Variants in KIAA1217 observed in about 807,000 individuals in gnomAD.
The protein encoded by KIAA1217 is KIAA1217.
Under a neutral mutation model 163.9 loss-of-function variants are expected in KIAA1217, and 88 were observed. The ratio of observed to expected loss-of-function variants is 0.54; its 90% CI spans 0.45 to 0.64. KIAA1217 has a LOEUF of 0.64. Ranked by LOEUF, KIAA1217 falls within the 30% of genes least tolerant of loss-of-function variation. KIAA1217 has a pLI of 0.00. For missense variants in KIAA1217, 2,372 were observed against 2,475.0 expected (o/e 0.96, Z 0.88); for synonymous variants, 903 against 923.1 (o/e 0.98, Z 0.39).
At chr10:24,020,253 G>A (rs919162885) in intron 2 of KIAA1217, among the ~76,000 whole-genome samples, 1 of 152,148 alleles carries the variant, frequency 6.6e-6, no homozygotes, top group Non-Finnish European at 1.5e-5. Context: ...CATGGTTGAT[G>A]CTGTAGTTTT....
At chr10:24,526,106 G>GTT (rs1592669263) in intron 13 of KIAA1217, among the ~76,000 whole-genome samples, 2 of 152,116 alleles carry the variant, frequency 1.3e-5, no homozygotes, top group East Asian at 3.9e-4. Context: ...TTCTTGCCTC[G>GTT]TAACTTTTCC....
At chr10:24,138,495 T>A (rs779485032) in intron 2 of KIAA1217, among the ~76,000 whole-genome samples, 2 of 152,198 alleles carry the variant, frequency 1.3e-5, no homozygotes, top group African/African-American at 4.8e-5. Context: ...ATGATTAGAC[T>A]TTTTTCATTA....
intron 2 of KIAA1217, among the ~76,000 whole-genome samples, chr10:24,263,019 C>A (rs74121636): frequency 2.0e-5 from 3 of 151,860 alleles, no homozygotes; most frequent in African/African-American, 4.8e-5. Flanking sequence ...AGTCCACTCA[C>A]GTATAAAAAT....
chr10:24,229,671 C>A (rs940782591), intron 2 of KIAA1217, among the ~76,000 whole-genome samples: 1 of 152,138 alleles, frequency 6.6e-6, no homozygotes, highest in African/African-American at 2.4e-5. Context: ...GTGCCCACCA[C>A]CATGCCTGGC....
At chr10:24,178,146 T>C (rs998085817) in intron 2 of KIAA1217, among the ~76,000 whole-genome samples, 2 of 152,210 alleles carry the variant, frequency 1.3e-5, no homozygotes, top group African/African-American at 4.8e-5. Context: ...TTTACCATTA[T>C]CTCTGACATT....
At chr10:24,484,241 A>ATATATATATATTTTTTTTTTTT (rs1376083298) in intron 6 of KIAA1217, among the ~76,000 whole-genome samples, 13 of 75,150 alleles carry the variant, frequency 1.7e-4, no homozygotes, top group Non-Finnish European at 2.2e-4. Flanking sequence ...ATATATATAT[A>ATATATATATATTTTTTTTTTTT]TTTTTTTTTT....
chr10:24,326,292 T>G (rs897152141), intron 2 of KIAA1217, among the ~76,000 whole-genome samples: 2 of 152,146 alleles, frequency 1.3e-5, no homozygotes, highest in African/African-American at 2.4e-5. Context: ...GATGTTGATA[T>G]TAACACCTTA....
At chr10:23,878,938 G>C (rs890099912) in intron 1 of KIAA1217, among the ~76,000 whole-genome samples, 1 of 151,884 alleles carries the variant, frequency 6.6e-6, no homozygotes, top group African/African-American at 2.4e-5. Flanking sequence ...TATTGGCATG[G>C]AGAAGACTGC....
intron 2 of KIAA1217, among the ~76,000 whole-genome samples, chr10:24,292,683 C>T (rs976771564): frequency 1.3e-5 from 2 of 152,118 alleles, no homozygotes; most frequent in African/African-American, 2.4e-5. Flanking sequence ...ACCCATTGCT[C>T]TGCTGTTTTC....
intron 2 of KIAA1217, among the ~76,000 whole-genome samples, chr10:24,029,972 C>G (rs1848125519): frequency 6.6e-6 from 1 of 152,156 alleles, no homozygotes; most frequent in Non-Finnish European, 1.5e-5. Context: ...CAGAGTGACT[C>G]TGGCCATCTT....
In KIAA1217 at chr10:24,221,287, G is replaced by A. The variant is rs116965235; in HGVS notation, c.354+1378G>A. ...GGCCTCCTCTACCGACCTCACTGGC[G>A]AGTTACCAGATTGACCTTTGTGTAT... is the stretch of plus-strand genomic sequence containing the variant. On this transcript the variant is annotated intron_variant, in intron 2 of 20. Coordinates refer to ENST00000376454, the MANE Select transcript of KIAA1217 (RefSeq NM_019590.5). Among the ~76,000 whole-genome samples, 539 of 150,024 alleles carry A rather than the reference G, an allele frequency of 3.6e-3. 12 individuals are homozygous for A. The East Asian group carries it at 0.055, about 15-fold the overall frequency.
chr10:23,734,027 C>T (rs1838640347), intron 1 of KIAA1217, among the ~76,000 whole-genome samples: 1 of 152,000 alleles, frequency 6.6e-6, no homozygotes, highest in Non-Finnish European at 1.5e-5. Context: ...TATCATGTAA[C>T]ATTTAATATG....
intron 2 of KIAA1217, among the ~76,000 whole-genome samples, chr10:24,090,332 C>CTTTTTTTTTTTTTTTTTTTTTT (rs35966270): frequency 1.7e-5 from 1 of 58,944 alleles, no homozygotes; most frequent in African/African-American, 1.2e-4. Flanking sequence ...ACATCCTGCT[C>CTTTTTTTTTTTTTTTTTTTTTT]TTTTTTTTTT....
At position 24,501,529 on chromosome 10, in the gene KIAA1217, A is replaced by G; in HGVS notation, c.1985A>G (p.Gln662Arg). 6.2e-7 allele frequency: 1 copy of G among 1,613,348 alleles called. No homozygotes were observed. Among genetic ancestry groups the G allele is most frequent in the Non-Finnish European group, 8.5e-7 (1 of 1,179,762 alleles). ...SVAELRLQLQ[Q>R]MRQLQLQNQE... Reference sequence around the variant, plus strand: ...GCGGAACTCAGGCTCCAGCTCCAGCAGATGCGGCAGCTCCAGGTATTCCTC... The same window carrying G: ...GCGGAACTCAGGCTCCAGCTCCAGCGGATGCGGCAGCTCCAGGTATTCCTC... The change falls in exon 9 of 21, where the codon CAG (glutamine) becomes CGG (arginine). Residue 662 changes from glutamine to arginine, a missense_variant. Coordinates refer to ENST00000376454, the MANE Select transcript of KIAA1217 (RefSeq NM_019590.5).
chr10:24,176,821 G>A (rs1042314192), intron 2 of KIAA1217, among the ~76,000 whole-genome samples: 38 of 152,336 alleles, frequency 2.5e-4, no homozygotes, highest in Middle Eastern at 6.8e-3. Context: ...TAGCCCACGG[G>A]GCAGGGGAGG....
intron 1 of KIAA1217, among the ~76,000 whole-genome samples, chr10:23,963,612 A>G (rs945194055): frequency 6.6e-6 from 1 of 152,172 alleles, no homozygotes; most frequent in Non-Finnish European, 1.5e-5. Context: ...ATGATTTACA[A>G]TCCTTTGAGT....
intron 1 of KIAA1217, among the ~76,000 whole-genome samples, chr10:23,804,948 T>C (rs982665373): frequency 2.2e-4 from 34 of 152,154 alleles, no homozygotes; most frequent in African/African-American, 7.7e-4. Flanking sequence ...AAAACCATAA[T>C]GAGATACCAT....
chr10:24,148,267 G>A (rs147464878), intron 2 of KIAA1217, among the ~76,000 whole-genome samples: 41 of 152,086 alleles, frequency 2.7e-4, no homozygotes, highest in Admixed American at 1.3e-3. Flanking sequence ...CACTTATGTA[G>A]TATTATGTAG....
At chr10:24,048,494 G>T (rs1849214377) in intron 2 of KIAA1217, among the ~76,000 whole-genome samples, 1 of 152,152 alleles carries the variant, frequency 6.6e-6, no homozygotes, top group Non-Finnish European at 1.5e-5. Context: ...ACCTTGGGAG[G>T]CCAAGGCGGG....
Sources: allele counts gnomAD v4.1 joint callset (sites outside exome capture counted in the v4.1 genomes callset), GRCh38; gene constraint gnomAD v4.1.1; transcripts MANE v1.5; gene names NCBI Gene and HGNC (gene_info 2026-07-23, HGNC 2026-07-21).